The following H6PD variants were observed in gnomAD, a reference collection of about 807,000 sequenced individuals.
H6PD encodes hexose-6-phosphate dehydrogenase/glucose 1-dehydrogenase.
Under a neutral mutation model 61.2 loss-of-function variants are expected in H6PD, and 48 were observed. The observed-to-expected ratio is 0.78, with a 90% CI of 0.62 to 1.00. The LOEUF is 1.00. H6PD is among the 50% of genes least tolerant of loss of function. The probability of loss-of-function intolerance (pLI) is 0.00; values close to 1 mark genes in which losing one functional copy is unlikely to be tolerated. For synonymous variants in H6PD, 480 were observed against 457.9 expected (o/e 1.05, Z -0.62); for missense variants, 1,093 against 1,065.0 (o/e 1.03, Z -0.37).
At chr1:9,246,345 T>C (rs1293249047) in intron 2 of H6PD, among the ~76,000 whole-genome samples, 1 of 152,260 alleles carries the variant, frequency 6.6e-6, no homozygotes, top group Non-Finnish European at 1.5e-5. Context: ...CCTTAAGTCC[T>C]GGGCAGGAGC....
At position 9,264,939 on chromosome 1, in the gene H6PD, C is replaced by A; in HGVS notation, c.*70C>A. The stretch of plus-strand genomic sequence containing the variant: ...GCCCGTGTCTTCCCTCCCTTCTCGG[C>A]CCCGCCACCTGCCCAGCGTGCCCTG... On this transcript the variant is annotated 3_prime_UTR_variant, in exon 5 of 5. Coordinates refer to ENST00000377403, the MANE Select transcript of H6PD (RefSeq NM_004285.4). 6.5e-7 allele frequency: 1 copy of A among 1,541,140 alleles called. No homozygotes were observed. The highest frequency in any genetic ancestry group is 8.9e-7 in the Non-Finnish European group (1 of 1,128,764).
In H6PD at chr1:9,267,251, A is replaced by T. The variant is rs940362682; in HGVS notation, c.*2382A>T. Reference sequence around the variant, plus strand: ...GTGATGGGCGGGCTCAGGAGAGGACAGGGAGTCGTGGTGGAAGTTCCACAG... The same window carrying T: ...GTGATGGGCGGGCTCAGGAGAGGACTGGGAGTCGTGGTGGAAGTTCCACAG... On this transcript the variant is annotated 3_prime_UTR_variant, in exon 5 of 5. Transcript: ENST00000377403. 6.6e-6 allele frequency: 1 copy of T among 152,354 alleles called. No homozygotes were observed. Among genetic ancestry groups the T allele is most frequent in the African/African-American group, 2.4e-5 (1 of 41,456 alleles). The allele number at this position is 152,354 out of a possible 1,614,324, so 9.4% of individuals were successfully genotyped here.
chr1:9,258,826 T>G (rs114320085), intron 3 of H6PD, among the ~76,000 whole-genome samples: 1,518 of 151,750 alleles, frequency 0.01, 25 homozygotes, highest in African/African-American at 0.035. Flanking sequence ...TACTCTGGTG[T>G]TGTTATGTTG....
At position 9,245,682 on chromosome 1, in the gene H6PD, A is replaced by C; in HGVS notation, c.627+121A>C. On this transcript the variant is annotated intron_variant, in intron 2 of 4. Coordinates refer to ENST00000377403, the MANE Select transcript of H6PD (RefSeq NM_004285.4). The surrounding 1 kb of genome is among the most constrained non-coding windows in gnomAD (Gnocchi z 4.8). ...AAGGCATTGTGAACTCAGAGCTCCC[A>C]TGGTCTCCTTGAAGGTGGGCAGGAG... 2.0e-6 allele frequency: 2 copies of C among 1,006,970 alleles called. No individual in the cohort carries two copies. The highest frequency in any genetic ancestry group is 1.5e-6 in the Non-Finnish European group (1 of 651,068). 62.4% of individuals were successfully genotyped at this position (1,006,970 alleles called of 1,614,324 possible).
chr1:9,243,659 A>G (rs1367881539), intron 1 of H6PD, among the ~76,000 whole-genome samples: 1 of 152,168 alleles, frequency 6.6e-6, no homozygotes, highest in Non-Finnish European at 1.5e-5. Context: ...CAGAACAAAC[A>G]AATACTTGGT....
At chr1:9,259,118 A>G (rs1054380810) in intron 3 of H6PD, among the ~76,000 whole-genome samples, 48 of 152,256 alleles carry the variant, frequency 3.2e-4, no homozygotes, top group Non-Finnish European at 3.8e-4. Flanking sequence ...CAGCCTCCCA[A>G]GTAGCTGGGA....
intron 3 of H6PD, 124 bp from the exon 4 acceptor site, chr1:9,261,935 C>T: frequency 2.0e-6 from 2 of 981,012 alleles, no homozygotes; most frequent in Non-Finnish European, 1.6e-6. Context: ...TTTTATAGGC[C>T]CTGTGGACTG....
chr1:9,246,982 T>C lies in H6PD; in HGVS notation c.644T>C (p.Leu215Pro). 1 of 1,613,122 alleles carries C rather than the reference T, an allele frequency of 6.2e-7. No homozygotes were observed. Among genetic ancestry groups the C allele is most frequent in the Non-Finnish European group, 8.5e-7 (1 of 1,179,124 alleles). ...CCCCGACAGGCTGTGGCGCAGATCC[T>C]GCCTTTCCGAGACCAGAACCGCAAG... ...YLGKQAVAQI[L>P]PFRDQNRKAL... The change falls in exon 3 of 5, where the codon CTG becomes CCG. Residue 215 changes from leucine to proline, a missense_variant. Physicochemically the swap from Leu to Pro is moderately conservative, Grantham distance 98. Coordinates refer to ENST00000377403, the MANE Select transcript of H6PD (RefSeq NM_004285.4).
At chr1:9,248,369 T>C (rs1641252814) in intron 3 of H6PD, among the ~76,000 whole-genome samples, 1 of 152,212 alleles carries the variant, frequency 6.6e-6, no homozygotes, top group South Asian at 2.1e-4. Flanking sequence ...GTGTATTTAG[T>C]GCCAGAAGCT....
At chr1:9,256,431 G>GC (rs945009249) in intron 3 of H6PD, among the ~76,000 whole-genome samples, 1 of 152,138 alleles carries the variant, frequency 6.6e-6, no homozygotes, top group Non-Finnish European at 1.5e-5. Context: ...TTCATTTCTT[G>GC]CCCCCCAACA....
At chr1:9,257,546 T>C (rs961361104) in intron 3 of H6PD, among the ~76,000 whole-genome samples, 18 of 152,042 alleles carry the variant, frequency 1.2e-4, no homozygotes, top group African/African-American at 4.3e-4. Flanking sequence ...CTTCATTTTC[T>C]CTGCTGTCCA....
At chr1:9,257,893 G>A (rs979767485) in intron 3 of H6PD, among the ~76,000 whole-genome samples, 15 of 152,248 alleles carry the variant, frequency 9.9e-5, no homozygotes, top group African/African-American at 3.4e-4. Flanking sequence ...ACTCTCCTGC[G>A]AGGTGGTATG....
At chr1:9,259,830 G>A (rs1641659910) in intron 3 of H6PD, among the ~76,000 whole-genome samples, 1 of 148,550 alleles carries the variant, frequency 6.7e-6, no homozygotes, top group African/African-American at 2.5e-5. Flanking sequence ...ATGTTGTTAT[G>A]CTGGTGTTGT....
At position 9,262,052 on chromosome 1, in the gene H6PD, C is replaced by A. The variant is rs200694936; in HGVS notation, c.746-7C>A. 6.1e-5 allele frequency: 98 copies of A among 1,614,024 alleles called. No individual in the cohort carries two copies. Among genetic ancestry groups the A allele is most frequent in the Non-Finnish European group, 8.1e-5 (95 of 1,179,964 alleles). ...ATCCTCCCCACTTCTCCACCTCCCT[C>A]CACCAGGCCGCACCAGCTTCTATGA... is the stretch of plus-strand genomic sequence containing the variant. On this transcript the variant is annotated splice_region_variant and splice_polypyrimidine_tract_variant and intron_variant, in intron 3 of 4. Transcript: ENST00000377403.
At position 9,264,565 on chromosome 1, in the gene H6PD, T is replaced by C. The variant is rs1638486144; in HGVS notation, c.2072T>C (p.Leu691Pro). ...AACAGCAGCTTCGACCTGGTGCTGC[T>C]GGGCATGGGTGCCGACGGGCACACA... is the stretch of plus-strand genomic sequence containing the variant. ...VANSSFDLVL[L>P]GMGADGHTAS... is the part of the protein sequence containing the mutation. The change falls in exon 5 of 5, where the codon CTG (leucine) becomes CCG (proline). Residue 691 changes from leucine to proline, a missense_variant. Physicochemically the swap from Leu to Pro is moderately conservative, Grantham distance 98 (BLOSUM62 -3). Coordinates refer to ENST00000377403, the MANE Select transcript of H6PD (RefSeq NM_004285.4). 1 of 1,613,350 alleles carries C rather than the reference T, an allele frequency of 6.2e-7. No homozygotes were observed. Among genetic ancestry groups the C allele is most frequent in the Non-Finnish European group, 8.5e-7 (1 of 1,179,966 alleles).
Position 9,264,035 on chromosome 1 carries a change from G to C in H6PD, c.1542G>C (p.Glu514Asp). Residue 514 changes from glutamate to aspartate, a missense_variant, in exon 5 of 5, where the codon GAG becomes GAC. By Grantham distance (45) the Glu-to-Asp change is conservative (BLOSUM62 2). Transcript: ENST00000377403. ...GAENGRLLDF[E>D]FSSGRLFFSQ... Reference sequence around the variant, plus strand: ...AGAATGGCCGTCTGTTGGACTTTGAGTTCAGTAGCGGCCGGTTGTTCTTTT... The same window carrying C: ...AGAATGGCCGTCTGTTGGACTTTGACTTCAGTAGCGGCCGGTTGTTCTTTT... 1 of 1,614,210 alleles carries C rather than the reference G, an allele frequency of 6.2e-7. No individual in the cohort carries two copies. The highest frequency in any genetic ancestry group is 8.5e-7 in the Non-Finnish European group (1 of 1,180,050).
intron 4 of H6PD, among the ~76,000 whole-genome samples, chr1:9,263,101 T>C (rs1442103949): frequency 6.6e-6 from 1 of 151,984 alleles, no homozygotes. Context: ...TCCTGAATGC[T>C]TCACAAGCAG....
At chr1:9,239,054 T>G (rs1219396033) in intron 1 of H6PD, among the ~76,000 whole-genome samples, 3 of 142,384 alleles carry the variant, frequency 2.1e-5, no homozygotes, top group African/African-American at 5.3e-5. Context: ...AATTTAATGG[T>G]TTTTTTTTTT....
intron 1 of H6PD, chr1:9,240,114 G>A (rs1447710026): frequency 2.1e-5 from 14 of 667,906 alleles, no homozygotes; most frequent in Admixed American, 4.3e-5. Context: ...CCTGCAGTCC[G>A]CCCTGGCTCT....
Sources: allele counts gnomAD v4.1 joint callset (sites outside exome capture counted in the v4.1 genomes callset), GRCh38; gene constraint gnomAD v4.1.1; non-coding constraint Gnocchi (gnomAD v3.1); transcripts MANE v1.5; gene names NCBI Gene and HGNC (gene_info 2026-07-23, HGNC 2026-07-21).